The following DMXL1 variants were observed in gnomAD, a reference collection of about 807,000 sequenced individuals.
DMXL1 encodes the protein dmX-like protein 1.
In DMXL1, 99 loss-of-function variants were observed where a neutral mutation model predicts 319.2. That is an observed-to-expected ratio of 0.31 (90% CI 0.26 to 0.37). The LOEUF (loss-of-function observed/expected upper bound fraction) is 0.37, where lower values mean the gene tolerates loss of function less well. Ranked by LOEUF, DMXL1 falls within the 10% of genes least tolerant of loss-of-function variation. The probability of loss-of-function intolerance (pLI) is 1.00; values close to 1 mark genes in which losing one functional copy is unlikely to be tolerated. For synonymous variants in DMXL1, 1,385 were observed against 1,235.2 expected, an observed-to-expected ratio of 1.12 and a Z score of -2.54; for missense variants, 3,745 against 3,595.6, an observed-to-expected ratio of 1.04 and a Z score of -1.06.
rs200776286 is a variant in DMXL1 at position 119,189,818 on chromosome 5, G to C, written c.7246G>C (p.Glu2416Gln). 5.6e-6 allele frequency: 9 copies of C among 1,613,978 alleles called. No individual in the cohort carries two copies. ...CCCTTCCTCGGCACCAGTAAGCCAG[G>C]AGTCACTGGCGGTTAAAGAAAAGTT... ...LTPSSAPVSQ[E>Q]SLAVKEKFIP... is the part of the protein sequence containing the mutation. The change falls in exon 29 of 44, where the codon GAG becomes CAG. Residue 2416 changes from glutamate (E) to glutamine (Q), a missense_variant. Physicochemically the swap from Glu to Gln is conservative, Grantham distance 29 (BLOSUM62 2). Around this residue, in one of 4 missense-constraint regions of DMXL1, gnomAD observed 1,382 missense variants for 1,269.5 expected, o/e 1.09. Coordinates refer to ENST00000539542, the MANE Select transcript of DMXL1 (RefSeq NM_001290321.3).
intron 33 of DMXL1, 133 bp downstream of exon 33, chr5:119,203,569 G>A (rs565774645): frequency 1.8e-5 from 7 of 381,626 alleles, no homozygotes; most frequent in Non-Finnish European, 3.3e-5. Context: ...TTAATGCTTA[G>A]AACAGTGTAA....
intron 18 of DMXL1, among the ~76,000 whole-genome samples, chr5:119,150,902 A>C (rs1769639231): frequency 6.6e-6 from 1 of 151,200 alleles, no homozygotes; most frequent in Admixed American, 6.6e-5. Context: ...CTTAATATGC[A>C]CTATTTATCC....
Position 119,117,455 on chromosome 5 carries a change from T to C in DMXL1, c.743+1119T>C, listed in dbSNP as rs186521023. Among the ~76,000 whole-genome samples, 589 of 152,082 alleles carry C rather than the reference T, an allele frequency of 3.9e-3. 9 individuals are homozygous for C. Among genetic ancestry groups the C allele is most frequent in the South Asian group, 0.026 (127 of 4,818 alleles). On this transcript the variant is annotated intron_variant, in intron 7 of 43. Coordinates refer to ENST00000539542, the MANE Select transcript of DMXL1 (RefSeq NM_001290321.3). ...GCTGACTAGATGTTTTGAGCTATAG[T>C]GTAGCTATAGCCAGGACAGGGATAG... is the stretch of plus-strand genomic sequence containing the variant.
chr5:119,192,341 C>A (rs1344690289), intron 29 of DMXL1, among the ~76,000 whole-genome samples: 7 of 152,134 alleles, frequency 4.6e-5, no homozygotes, highest in Non-Finnish European at 8.8e-5. Context: ...GTTTTCAGTT[C>A]TCTTCCTCTC....
chr5:119,106,856 T>C (rs1196771521), intron 4 of DMXL1, among the ~76,000 whole-genome samples: 1 of 152,228 alleles, frequency 6.6e-6, no homozygotes, highest in African/African-American at 2.4e-5. Flanking sequence ...GAAATGTGTT[T>C]AGGCAGTAGA....
At position 119,133,478 on chromosome 5, in the gene DMXL1, G is replaced by T. The variant is rs551582780; in HGVS notation, c.1570-16G>T. The T allele has an allele frequency of 3.1e-6, 5 of 1,591,946 alleles. No individual in the cohort carries two copies. The Admixed American group carries it at 9.1e-5, about 29-fold the overall frequency. On this transcript the variant is annotated splice_polypyrimidine_tract_variant and intron_variant, in intron 11 of 43. Transcript: ENST00000539542. ...TATAATTTTATATGTTCTAACACTTGCTTTCTTGATTCTAGGTGTCCTTTG... is the reference window on the plus strand; with the variant it reads ...TATAATTTTATATGTTCTAACACTTTCTTTCTTGATTCTAGGTGTCCTTTG...
chr5:119,084,340 G>C (rs868693770), intron 1 of DMXL1, among the ~76,000 whole-genome samples: 1 of 151,752 alleles, frequency 6.6e-6, no homozygotes, highest in Non-Finnish European at 1.5e-5. Context: ...GGCTGGTCTC[G>C]AACTCCTGAC....
intron 1 of DMXL1, among the ~76,000 whole-genome samples, chr5:119,092,958 T>A (rs1185648083): frequency 6.6e-6 from 1 of 152,230 alleles, no homozygotes; most frequent in African/African-American, 2.4e-5. Context: ...GGTATGAACA[T>A]TGATGTACAG....
intron 1 of DMXL1, among the ~76,000 whole-genome samples, chr5:119,094,500 G>C (rs541552957): frequency 6.6e-6 from 1 of 152,330 alleles, no homozygotes; most frequent in Admixed American, 6.5e-5. Flanking sequence ...GCTCTGATCA[G>C]GCAGGTGTAC....
rs544701389 is a variant in DMXL1, at chr5:119,150,990, A to G, written c.4594+569A>G. Among the ~76,000 whole-genome samples, 9 of 152,296 alleles carry G rather than the reference A, an allele frequency of 5.9e-5. No individual in the cohort carries two copies. In the East Asian group the frequency reaches 1.5e-3, roughly 26 times the overall value. Reference sequence around the variant, plus strand: ...TTTTACTAATTTTCTGCTCAATAGTATAAAAGATCCAACTGAATCTTTCTG... The same window carrying G: ...TTTTACTAATTTTCTGCTCAATAGTGTAAAAGATCCAACTGAATCTTTCTG... On this transcript the variant is annotated intron_variant, in intron 18 of 43. Transcript: ENST00000539542.
At chr5:119,227,252 AT>A (rs56150621) in intron 38 of DMXL1, among the ~76,000 whole-genome samples, 24,742 of 151,978 alleles carry the variant, frequency 0.16, 2,252 homozygotes, top group Middle Eastern at 0.24. Flanking sequence ...TCCCTGTTTA[AT>A]TTTTTTCCCC....
In DMXL1 at chr5:119,137,450, G is replaced by A. The variant is rs574810908; in HGVS notation, c.2376+3061G>A. 5.9e-5 allele frequency among the ~76,000 whole-genome samples: 9 copies of A among 152,308 alleles called. 1 individual carries two copies. In the South Asian group the frequency reaches 1.9e-3, roughly 32 times the overall value. ...CTTTGGGGAACTATTGGGAAGGCAT[G>A]ATTGGTTTTGAAATGTGAAAAGGGG... On this transcript the variant is annotated intron_variant, in intron 13 of 43. Transcript: ENST00000539542.
chr5:119,151,844 T>G (rs2150150644), intron 18 of DMXL1, 85 bp from the exon 19 acceptor site: 1 of 772,542 alleles, frequency 1.3e-6, no homozygotes, highest in Non-Finnish European at 2.2e-6. Context: ...CTTGGTCAGG[T>G]TAAGAATGTT....
At chr5:119,141,292 G>C (rs1206960094) in intron 13 of DMXL1, among the ~76,000 whole-genome samples, 1 of 152,090 alleles carries the variant, frequency 6.6e-6, no homozygotes, top group Non-Finnish European at 1.5e-5. Context: ...ATCTAAATAG[G>C]AAGAGAGGAA....
intron 35 of DMXL1, among the ~76,000 whole-genome samples, chr5:119,219,036 G>T (rs1581393704): frequency 6.6e-6 from 1 of 152,278 alleles, no homozygotes; most frequent in East Asian, 1.9e-4. Context: ...TTTAGTGGAT[G>T]CTGTTAGAAG....
intron 7 of DMXL1, among the ~76,000 whole-genome samples, chr5:119,116,976 T>A (rs1760988361): frequency 6.6e-6 from 1 of 152,248 alleles, no homozygotes; most frequent in Admixed American, 6.6e-5. Flanking sequence ...TATAGAGACC[T>A]ATTACTTAAA....
At chr5:119,128,303 C>G (rs992118224) in intron 9 of DMXL1, 10 of 294,758 alleles carry the variant, frequency 3.4e-5, no homozygotes, top group African/African-American at 6.7e-5. Flanking sequence ...AGTATGAATT[C>G]CAACCCTCTC....
chr5:119,072,951 A>G (rs1749968608), intron 1 of DMXL1, among the ~76,000 whole-genome samples: 1 of 152,182 alleles, frequency 6.6e-6, no homozygotes, highest in Non-Finnish European at 1.5e-5. Flanking sequence ...GAAAGTAAAC[A>G]TCATCCTTAG....
chr5:119,167,983 A>G (rs893360913), intron 23 of DMXL1, 119 bp downstream of exon 23: 63 of 992,092 alleles, frequency 6.4e-5, no homozygotes, highest in Non-Finnish European at 8.3e-5. Context: ...GGTCTTTATA[A>G]CAGTTTTTGG....
Sources: gnomAD v4.1 joint callset for allele counts (sites outside exome capture counted in the v4.1 genomes callset) on GRCh38, gnomAD v4.1.1 for gene constraint, gnomAD v4.1.1 regional missense constraint, MANE v1.5 for transcripts, NCBI Gene and HGNC (gene_info 2026-07-23, HGNC 2026-07-21) for gene names.